Variants in SPON2 observed in about 807,000 individuals in gnomAD.
The protein encoded by SPON2 is spondin-2.
Under a neutral mutation model 29.9 loss-of-function variants are expected in SPON2, and 32 were observed. The ratio of observed to expected loss-of-function variants is 1.07; its 90% CI spans 0.81 to 1.44. SPON2 has a LOEUF of 1.44. SPON2 is among the 40% of genes most tolerant of loss of function. The pLI is 0.00. For missense variants in SPON2, 541 were observed against 455.5 expected (o/e 1.19, Z -1.71); for synonymous variants, 248 against 209.1 (o/e 1.19, Z -1.61).
At chr4:1,207,570 G>T (rs991949510) in intron 1 of SPON2, among the ~76,000 whole-genome samples, 3 of 151,648 alleles carry the variant, frequency 2.0e-5, no homozygotes, top group African/African-American at 7.3e-5. Flanking sequence ...CTAACCATGC[G>T]CCGCGCTTAC....
Position 1,202,558 on chromosome 4 carries a change from C to A in SPON2, c.-234+5322G>T, listed in dbSNP as rs1040070264. On this transcript the variant is annotated intron_variant, in intron 1 of 3. Coordinates refer to the SPON2 transcript ENST00000509233. The surrounding 1 kb of genome is among the most constrained non-coding windows in gnomAD (Gnocchi z 5.4). ...GACACATGGGGGCAGGGCTGGGCCC[C>A]CACGGCTTCTGTGGGCTCAGCCCAC... Among the ~76,000 whole-genome samples the A allele has an allele frequency of 3.9e-5, 6 of 151,962 alleles. No homozygotes were observed. Among genetic ancestry groups the A allele is most frequent in the Non-Finnish European group, 5.9e-5 (4 of 67,940 alleles).
chr4:1,171,385 T>C lies in SPON2; in HGVS notation c.322A>G (p.Lys108Glu). The C allele has an allele frequency of 1.9e-6, 3 of 1,612,198 alleles. No homozygotes were observed. The highest frequency in any genetic ancestry group is 2.5e-6 in the Non-Finnish European group (3 of 1,179,730). ...GCCTCCCCCGCCGCCTCGATCTCCT[T>C]CATCAGCGCCCAGGCCTCGCCGCGC... ...AERGEAWALM[K>E]EIEAAGEALQ... Residue 108 changes from lysine (K) to glutamate (E), a missense_variant, in exon 3 of 6, where the codon AAG becomes GAG. Transcript: ENST00000290902.
At position 1,202,104 on chromosome 4, in the gene SPON2, C is replaced by A. The variant is rs567587517; in HGVS notation, c.-234+5776G>T. 5.8e-4 allele frequency among the ~76,000 whole-genome samples: 88 copies of A among 152,350 alleles called. No homozygotes were observed. The highest frequency in any genetic ancestry group is 3.4e-3 in the Middle Eastern group (1 of 294). On this transcript the variant is annotated intron_variant, in intron 1 of 3. Transcript: ENST00000509233. The surrounding 1 kb of genome is among the most constrained non-coding windows in gnomAD (Gnocchi z 5.4). ...TCCTGTGCCTGTTAGCAACCGCTCC[C>A]CGCCACGGTTTGAGTGAGGCCACAA...
rs1255544987 is a variant in SPON2, at chr4:1,171,930, T to G, written c.142A>C (p.Thr48Pro). The change falls in exon 2 of 6, where the codon ACG becomes CCG. Residue 48 changes from threonine to proline, a missense_variant. Thr to Pro is a conservative substitution (Grantham distance 38). Transcript: ENST00000290902. Reference protein sequence around the residue: ...RALAKYSITFTGKWSQTAFPK... With the variant: ...RALAKYSITFPGKWSQTAFPK... ...AAGGCCGTCTGGCTCCACTTGCCCG[T>G]GAAGGTGATGCTGTATTTGGCCAGG... is the stretch of plus-strand genomic sequence containing the variant. 2 of 1,612,522 alleles carry G rather than the reference T, an allele frequency of 1.2e-6. No homozygotes were observed. The highest frequency in any genetic ancestry group is 2.7e-5 in the African/African-American group (2 of 74,828).
chr4:1,186,032 C>G (rs1257918880), intron 1 of SPON2, among the ~76,000 whole-genome samples: 1 of 150,832 alleles, frequency 6.6e-6, no homozygotes, highest in Admixed American at 6.6e-5. Flanking sequence ...ATCACGAGGT[C>G]AGGAGATCGA....
chr4:1,197,605 CAA>C (rs1358711172), upstream of SPON2, among the ~76,000 whole-genome samples: 1 of 144,196 alleles, frequency 6.9e-6, no homozygotes, highest in Non-Finnish European at 1.5e-5. Flanking sequence ...AGAATGAGAA[CAA>C]TAAAGTGCAT....
intron 1 of SPON2, 149 bp downstream of exon 1, chr4:1,172,395 C>G (rs1216861502): frequency 2.1e-6 from 1 of 473,160 alleles, no homozygotes; most frequent in Non-Finnish European, 3.8e-6. Context: ...GGGCCTTGGC[C>G]GACTGGCTGC....
At chr4:1,196,115 T>C (rs928333786), upstream of SPON2, among the ~76,000 whole-genome samples, 2 of 152,098 alleles carry the variant, frequency 1.3e-5, no homozygotes, top group African/African-American at 4.8e-5. Context: ...GCCCTCTGCC[T>C]CTCCCCTGTG....
upstream of SPON2, chr4:1,199,003 A>G (rs1019617671): frequency 6.6e-6 from 1 of 152,190 alleles, no homozygotes; most frequent in East Asian, 1.9e-4. The surrounding 1 kb of genome is among the most constrained non-coding windows in gnomAD (Gnocchi z 4.5). Context: ...CAAACTTAAT[A>G]GAAAAACCAA....
At chr4:1,177,971 G>C (rs1727635192), upstream of SPON2, among the ~76,000 whole-genome samples, 3 of 152,234 alleles carry the variant, frequency 2.0e-5, no homozygotes, top group African/African-American at 7.2e-5. Flanking sequence ...GTGTTTGCCA[G>C]CCCACCCAGA....
rs367561261 is a variant in SPON2, at chr4:1,167,645, G to A, written c.823C>T (p.Pro275Ser). 3.1e-5 allele frequency: 50 copies of A among 1,606,710 alleles called. No individual in the cohort carries two copies. The highest frequency in any genetic ancestry group is 4.2e-5 in the Non-Finnish European group (49 of 1,176,064). ...CACAGGGAGACCTCGCAGTCCAGCG[G>A]CGTTTCTGGAACTGGACCAAGCAAA... The part of the protein sequence containing the change: ...IVDSASVPET[P>S]LDCEVSLWSS... Residue 275 changes from proline to serine, a missense_variant, in exon 6 of 6, where the codon CCG (proline) becomes TCG (serine). Physicochemically the swap from Pro to Ser is moderately conservative, Grantham distance 74. Transcript: ENST00000290902.
intron 1 of SPON2, among the ~76,000 whole-genome samples, chr4:1,184,877 C>T (rs1727763356): frequency 6.8e-6 from 1 of 147,914 alleles, no homozygotes; most frequent in South Asian, 2.2e-4. Flanking sequence ...GCGGAGGTTG[C>T]AGTGAGCCGA....
chr4:1,182,986 G>C (rs990072782), intron 1 of SPON2, among the ~76,000 whole-genome samples: 2 of 152,042 alleles, frequency 1.3e-5, no homozygotes, highest in Non-Finnish European at 2.9e-5. Context: ...AAAAGTGAGA[G>C]AGGGCTGGGT....
At chr4:1,199,206 C>G (rs1576998706), upstream of SPON2, 1 of 152,088 alleles carries the variant, frequency 6.6e-6, no homozygotes, top group East Asian at 1.9e-4. This position sits in a 1 kb window ranked among gnomAD's most constrained non-coding sequence, Gnocchi z 4.5. Flanking sequence ...CGAGACCAGC[C>G]TGACCAACAT....
At position 1,167,587 on chromosome 4, in the gene SPON2, C is replaced by G; in HGVS notation, c.881G>C (p.Gly294Ala). 6.2e-7 allele frequency: 1 copy of G among 1,613,552 alleles called. No individual in the cohort carries two copies. The highest frequency in any genetic ancestry group is 8.5e-7 in the Non-Finnish European group (1 of 1,179,974). Residue 294 changes from glycine (G) to alanine (A), a missense_variant, in exon 6 of 6, where the codon GGG (glycine) becomes GCG (alanine). Gly to Ala is a moderately conservative substitution (Grantham distance 60, BLOSUM62 0). Transcript: ENST00000290902. ...SSWGLCGGHC[G>A]RLGTKSRTRY... ...AGTCCTGCTCTTGGTCCCGAGCCTC[C>G]CACAGTGGCCTCCGCACAGTCCCCA...
upstream of SPON2, among the ~76,000 whole-genome samples, chr4:1,195,840 G>A (rs11945907): frequency 5.9e-3 from 897 of 152,154 alleles, 6 homozygotes; most frequent in African/African-American, 0.019. Flanking sequence ...TCGCTGTGTT[G>A]CACAGGCTGG....
intron 1 of SPON2, chr4:1,200,857 A>G (rs1728183234): frequency 4.4e-6 from 2 of 456,726 alleles, no homozygotes; most frequent in Non-Finnish European, 8.8e-6. Context: ...AGTGTCCTCA[A>G]TGCCACCAAC....
At chr4:1,190,429 A>G (rs928317789) in intron 1 of SPON2, among the ~76,000 whole-genome samples, 1 of 152,216 alleles carries the variant, frequency 6.6e-6, no homozygotes, top group African/African-American at 2.4e-5. Flanking sequence ...ACACTTCCTC[A>G]CTCATTCAGA....
intron 1 of SPON2, among the ~76,000 whole-genome samples, chr4:1,189,313 A>C (rs1333329726): frequency 6.6e-6 from 1 of 152,070 alleles, no homozygotes; most frequent in Non-Finnish European, 1.5e-5. Flanking sequence ...AGAAGGAAAT[A>C]ATAAATAGTA....
Sources: allele counts gnomAD v4.1 joint callset (sites outside exome capture counted in the v4.1 genomes callset), GRCh38; gene constraint gnomAD v4.1.1; non-coding constraint Gnocchi (gnomAD v3.1); transcripts MANE v1.5; gene names NCBI Gene and HGNC (gene_info 2026-07-23, HGNC 2026-07-21).